The following CELSR1 variants were observed in gnomAD, a reference collection of about 807,000 sequenced individuals.
The protein encoded by CELSR1 is cadherin EGF LAG seven-pass G-type receptor 1, also known as adhesion G protein-coupled receptor C1.
CELSR1 carries 110 observed loss-of-function variants against 249.1 expected under a neutral mutation model. That is an observed-to-expected ratio of 0.44 (90% CI 0.38 to 0.52). CELSR1 has a LOEUF of 0.52. CELSR1 is among the 20% of genes least tolerant of loss of function. The pLI is 0.00. For missense variants in CELSR1, 4,109 were observed against 4,296.4 expected, an observed-to-expected ratio of 0.96 and a Z score of 1.22; for synonymous variants, 2,113 against 1,900.0, an observed-to-expected ratio of 1.11 and a Z score of -2.92.
chr22:46,402,250 C>T lies in CELSR1; in HGVS notation c.5227-2348G>A, dbSNP rs1602084979. Among the ~76,000 whole-genome samples, 1 of 149,734 alleles carries T rather than the reference C, an allele frequency of 6.7e-6. No individual in the cohort carries two copies. The highest frequency in any genetic ancestry group is 6.7e-5 in the Admixed American group (1 of 14,988). ...TTTTTTTTTGAGACAGAGTTTCACT[C>T]TTGTTGCCCAGGCTGGAGTGCAATG... On this transcript the variant is annotated intron_variant, in intron 9 of 34. Transcript: ENST00000674500. The surrounding 1 kb of genome is among the most constrained non-coding windows in gnomAD (Gnocchi z 5.0).
chr22:46,479,159 C>T (rs558810531), intron 1 of CELSR1, among the ~76,000 whole-genome samples: 8 of 151,974 alleles, frequency 5.3e-5, no homozygotes, highest in Admixed American at 4.6e-4. Context: ...CTCACACCTG[C>T]GGCTGGTGCA....
intron 1 of CELSR1, among the ~76,000 whole-genome samples, chr22:46,519,163 T>C (rs2080659668): frequency 6.6e-6 from 1 of 151,570 alleles, no homozygotes; most frequent in South Asian, 2.1e-4. Flanking sequence ...TGCCAGAGGG[T>C]ACAGGCTTTC....
At chr22:46,477,620 G>A (rs2080223073) in intron 1 of CELSR1, among the ~76,000 whole-genome samples, 1 of 147,942 alleles carries the variant, frequency 6.8e-6, no homozygotes, top group Non-Finnish European at 1.5e-5. Flanking sequence ...CGATTTCCCT[G>A]CCTCAGCCTC....
intron 5 of CELSR1, among the ~76,000 whole-genome samples, chr22:46,421,820 CAG>C (rs140678944): frequency 0.01 from 1,527 of 152,344 alleles, 33 homozygotes; most frequent in African/African-American, 0.034. Context: ...GTGGATTTGA[CAG>C]AACACCTGCT....
chr22:46,377,643 G>C (rs535694239), intron 23 of CELSR1: 4 of 295,978 alleles, frequency 1.4e-5, no homozygotes, highest in South Asian at 1.1e-4. Context: ...CTGGCCATGA[G>C]ACAAGCCCCA....
intron 2 of CELSR1, chr22:46,463,007 C>A: frequency 2.4e-6 from 1 of 411,880 alleles, no homozygotes; most frequent in South Asian, 1.8e-5. Context: ...CACTGTTTTA[C>A]GCTAACCAAT....
chr22:46,405,844 C>T (rs1178944507), intron 9 of CELSR1, among the ~76,000 whole-genome samples: 1 of 152,152 alleles, frequency 6.6e-6, no homozygotes, highest in Non-Finnish European at 1.5e-5. Flanking sequence ...GGGAGGCCTG[C>T]AAGCTGATAA....
chr22:46,485,129 AGT>A (rs571328071), intron 1 of CELSR1, among the ~76,000 whole-genome samples: 30 of 152,164 alleles, frequency 2.0e-4, no homozygotes, highest in African/African-American at 5.5e-4. Context: ...CAACAGAGAA[AGT>A]GTGTGTGTTA....
At chr22:46,386,742 GTTTT>G (rs372756867) in intron 18 of CELSR1, among the ~76,000 whole-genome samples, 157 bp from the exon 19 acceptor site, 9 of 151,934 alleles carry the variant, frequency 5.9e-5, no homozygotes, top group African/African-American at 1.9e-4. Flanking sequence ...GTTGTTTTTT[GTTTT>G]TTGTTGTTTT....
rs201139030 is a variant in CELSR1, at chr22:46,534,298, C to G, written c.2873G>C (p.Arg958Pro). The change falls in exon 1 of 35, where the codon CGG (arginine) becomes CCG (proline). Residue 958 changes from arginine (R) to proline (P), a missense_variant. Arg to Pro is a moderately radical substitution (Grantham distance 103). Coordinates refer to ENST00000674500, the MANE Select transcript of CELSR1 (RefSeq NM_001378328.1). The surrounding 1 kb of genome is among the most constrained non-coding windows in gnomAD (Gnocchi z 9.7). ...AAGGTTGTACACGGCCACATTCTCC[C>G]GGTCCAGCCGGCGCTGGGTGCGAAT... is the stretch of plus-strand genomic sequence containing the variant. ...GVIRTQRRLD[R>P]ENVAVYNLWA... 1 of 1,613,140 alleles carries G rather than the reference C, an allele frequency of 6.2e-7. No individual in the cohort carries two copies. Among genetic ancestry groups the G allele is most frequent in the Admixed American group, 1.7e-5 (1 of 60,030 alleles).
chr22:46,415,491 CT>C (rs1253684713), intron 5 of CELSR1, among the ~76,000 whole-genome samples: 1 of 152,116 alleles, frequency 6.6e-6, no homozygotes, highest in African/African-American at 2.4e-5. Context: ...TAAAAAGTTA[CT>C]ATTGGTTAAC....
intron 24 of CELSR1, among the ~76,000 whole-genome samples, chr22:46,375,107 C>G (rs969364083): frequency 6.6e-6 from 1 of 152,138 alleles, no homozygotes; most frequent in Non-Finnish European, 1.5e-5. Flanking sequence ...CACCGCTTGC[C>G]GTAAAAAAGG....
intron 24 of CELSR1, among the ~76,000 whole-genome samples, chr22:46,375,619 C>T (rs1043538637): frequency 5.3e-5 from 8 of 150,356 alleles, no homozygotes; most frequent in Non-Finnish European, 1.2e-4. Context: ...TCTCAGCTCA[C>T]TGCAACCTCT....
intron 1 of CELSR1, among the ~76,000 whole-genome samples, chr22:46,509,856 G>A (rs923054500): frequency 6.6e-6 from 1 of 152,094 alleles, no homozygotes; most frequent in East Asian, 1.9e-4. Flanking sequence ...CCAGGGACCC[G>A]GCACACAGGT....
rs1022307281 is a variant in CELSR1 at position 46,446,371 on chromosome 22, C to G, written c.4184-6960G>C. Among the ~76,000 whole-genome samples the G allele has an allele frequency of 1.3e-5, 2 of 152,152 alleles. No homozygotes were observed. Among genetic ancestry groups the G allele is most frequent in the Non-Finnish European group, 2.9e-5 (2 of 68,036 alleles). Reference sequence around the variant, plus strand: ...GGGCCACCTGCCTGCTTAGGGTGACCCTGGGGGCTCTCATGGACTCAAAAT... The same window carrying G: ...GGGCCACCTGCCTGCTTAGGGTGACGCTGGGGGCTCTCATGGACTCAAAAT... On this transcript the variant is annotated intron_variant, in intron 2 of 34. Coordinates refer to ENST00000674500, the MANE Select transcript of CELSR1 (RefSeq NM_001378328.1). The surrounding 1 kb of genome is among the most constrained non-coding windows in gnomAD (Gnocchi z 5.5).
At chr22:46,529,488 T>C (rs2080770934) in intron 1 of CELSR1, among the ~76,000 whole-genome samples, 1 of 150,948 alleles carries the variant, frequency 6.6e-6, no homozygotes, top group Admixed American at 6.6e-5. Context: ...GGATGGTCAA[T>C]GGGTACAAAA....
In CELSR1 at chr22:46,471,912, C is replaced by T. The variant is rs936629083; in HGVS notation, c.3545-7567G>A. Among the ~76,000 whole-genome samples, 21 of 152,122 alleles carry T rather than the reference C, an allele frequency of 1.4e-4. No individual in the cohort carries two copies. The highest frequency in any genetic ancestry group is 4.3e-4 in the African/African-American group (18 of 41,422). Reference sequence around the variant, plus strand: ...GCGGTCTGTGGCCTTCAGGTGATGACGACTTTCTGCCTCACGCTGTCCCCC... The same window carrying T: ...GCGGTCTGTGGCCTTCAGGTGATGATGACTTTCTGCCTCACGCTGTCCCCC... On this transcript the variant is annotated intron_variant, in intron 1 of 34. Transcript: ENST00000674500. This position sits in a 1 kb window ranked among gnomAD's most constrained non-coding sequence, Gnocchi z 4.9.
intron 2 of CELSR1, among the ~76,000 whole-genome samples, chr22:46,443,827 C>T (rs757777125): frequency 2.0e-5 from 3 of 152,260 alleles, no homozygotes; most frequent in Admixed American, 6.5e-5. Flanking sequence ...GGAGGTGTGA[C>T]GCTTAAGGTA....
intron 2 of CELSR1, among the ~76,000 whole-genome samples, chr22:46,439,782 A>G (rs1362539957): frequency 6.6e-6 from 1 of 151,974 alleles, no homozygotes; most frequent in African/African-American, 2.4e-5. Context: ...CTAGAAACAG[A>G]CCAGAGCACC....
Sources: allele counts gnomAD v4.1 joint callset (sites outside exome capture counted in the v4.1 genomes callset), GRCh38; gene constraint gnomAD v4.1.1; non-coding constraint Gnocchi (gnomAD v3.1); transcripts MANE v1.5; gene names NCBI Gene and HGNC (gene_info 2026-07-23, HGNC 2026-07-21).